MOCOS: variants seen among roughly 807,000 people sequenced by gnomAD.
MOCOS encodes human molybdenum cofactor sulfurase.
A neutral mutation model predicts 83.6 loss-of-function variants in MOCOS; 86 were observed. The observed-to-expected ratio is 1.03, with a 90% confidence interval of 0.86 to 1.23. MOCOS has a LOEUF of 1.23. Among genes scored for constraint, MOCOS ranks in the 50% most tolerant of loss-of-function variants. The pLI is 0.00. For missense variants in MOCOS, 1,120 were observed against 1,126.9 expected (o/e 0.99, Z 0.09); for synonymous variants, 445 against 434.7 (o/e 1.02, Z -0.29).
chr18:36,212,533 G>A (rs1420563982), intron 6 of MOCOS, among the ~76,000 whole-genome samples: 2 of 152,132 alleles, frequency 1.3e-5, no homozygotes, highest in Non-Finnish European at 2.9e-5. Context: ...ATGCCAGTGG[G>A]CCATTAGCCA....
At chr18:36,191,769 CAT>C (rs201355208) in intron 1 of MOCOS, among the ~76,000 whole-genome samples, 19 of 101,196 alleles carry the variant, frequency 1.9e-4, no homozygotes, top group South Asian at 7.3e-4. Context: ...CACACACACA[CAT>C]GTGAGCCATA....
At chr18:36,188,123 G>A (rs2091349272) in intron 1 of MOCOS, among the ~76,000 whole-genome samples, 1 of 152,194 alleles carries the variant, frequency 6.6e-6, no homozygotes, top group Admixed American at 6.5e-5. Flanking sequence ...CACCTCTGAC[G>A]GCGCGCCAGG....
chr18:36,254,173 C>T (rs779509152), intron 11 of MOCOS, among the ~76,000 whole-genome samples: 2 of 152,074 alleles, frequency 1.3e-5, no homozygotes, highest in African/African-American at 2.4e-5. Context: ...GCAGTCTAAG[C>T]CATTGGTCTT....
rs758736701 is a variant in MOCOS, at chr18:36,215,783, G to T, written c.1603G>T (p.Ala535Ser). 6.2e-7 allele frequency: 1 copy of T among 1,614,202 alleles called. No homozygotes were observed. The highest frequency in any genetic ancestry group is 2.2e-5 in the East Asian group (1 of 44,876). The change falls in exon 8 of 15, where the codon GCC becomes TCC. Residue 535 changes from alanine (A) to serine (S), a missense_variant. By Grantham distance (99) the Ala-to-Ser change is moderately conservative. Coordinates refer to ENST00000261326, the MANE Select transcript of MOCOS (RefSeq NM_017947.4). Reference protein sequence around the residue: ...GRRSLSPQEDALTGSRVWNNS... With the variant: ...GRRSLSPQEDSLTGSRVWNNS... ...ACGTAGCCTCTCGCCTCAGGAAGAT[G>T]CCCTCACAGGCTCCAGGGTTTGGAA...
At chr18:36,259,185 G>C (rs546963710) in intron 12 of MOCOS, among the ~76,000 whole-genome samples, 7 of 152,128 alleles carry the variant, frequency 4.6e-5, no homozygotes, top group Non-Finnish European at 7.3e-5. Context: ...GCTCACACCT[G>C]TAATCCCAGC....
At chr18:36,217,089 G>C (rs1893269) in intron 8 of MOCOS, among the ~76,000 whole-genome samples, 59,796 of 152,064 alleles carry the variant, frequency 0.39, 12,780 homozygotes, top group South Asian at 0.59. Context: ...CGTGATATTC[G>C]ATGCAGACAG....
chr18:36,262,481 A>G (rs779450632), intron 13 of MOCOS, among the ~76,000 whole-genome samples: 3 of 152,092 alleles, frequency 2.0e-5, no homozygotes, highest in Non-Finnish European at 2.9e-5. Context: ...ATTAAAGAGC[A>G]TAAGATATGG....
intron 1 of MOCOS, among the ~76,000 whole-genome samples, chr18:36,193,715 CATAA>C (rs745585773): frequency 3.3e-5 from 5 of 152,252 alleles, no homozygotes; most frequent in South Asian, 2.1e-4. Flanking sequence ...AATGCAACAA[CATAA>C]ATAGACAAAT....
In MOCOS at chr18:36,200,076, G is replaced by A. The variant is rs765501957; in HGVS notation, c.693G>A (p.Gly231=). 7.4e-6 allele frequency: 12 copies of A among 1,614,078 alleles called. No individual in the cohort carries two copies. The Admixed American group carries it at 2.0e-4, about 27-fold the overall frequency. Residue 231 remains glycine (G), a synonymous_variant, in exon 4 of 15, where the codon GGG becomes GGA. Coordinates refer to ENST00000261326, the MANE Select transcript of MOCOS (RefSeq NM_017947.4). ...GGTTGCACCCTGTGAGCACGCCTGG[G>A]AAGTGGTTTGTGCTGCTGGATGCAG... ...SGRLHPVSTP[G]KWFVLLDAAS... is the part of the protein sequence containing the mutation.
intron 2 of MOCOS, 28 bp from the exon 3 acceptor site, chr18:36,198,662 T>G (rs764633242): frequency 5.6e-6 from 9 of 1,612,410 alleles, no homozygotes; most frequent in Non-Finnish European, 5.9e-6. Context: ...AGTAGTGACT[T>G]GGTGGCCTTG....
intron 13 of MOCOS, among the ~76,000 whole-genome samples, chr18:36,262,837 A>C (rs1309904204): frequency 6.6e-6 from 1 of 152,232 alleles, no homozygotes; most frequent in East Asian, 1.9e-4. Flanking sequence ...GGCTGGGCAC[A>C]GTGGCTCATG....
At chr18:36,214,990 A>G (rs2091470107) in intron 7 of MOCOS, among the ~76,000 whole-genome samples, 1 of 152,210 alleles carries the variant, frequency 6.6e-6, no homozygotes, top group South Asian at 2.1e-4. Context: ...GGGGCACTCA[A>G]GCTGACCTTG....
intron 2 of MOCOS, 69 bp downstream of exon 2, chr18:36,195,415 G>A (rs74729614): frequency 2.2e-5 from 30 of 1,366,908 alleles, no homozygotes; most frequent in Admixed American, 5.1e-5. Context: ...CATGTTAAAC[G>A]CTGGATTAAT....
intron 12 of MOCOS, 49 bp from the exon 13 acceptor site, chr18:36,259,988 A>G (rs779653743): frequency 8.1e-6 from 13 of 1,609,656 alleles, no homozygotes; most frequent in Middle Eastern, 1.6e-4. Flanking sequence ...TAGTGGTACA[A>G]TTATCTGCCA....
intron 1 of MOCOS, among the ~76,000 whole-genome samples, chr18:36,193,235 C>T (rs1290227061): frequency 2.9e-5 from 4 of 137,468 alleles, no homozygotes; most frequent in African/African-American, 5.3e-5. Context: ...GGTGTGAACC[C>T]GGGAAGCGGA....
chr18:36,212,661 C>G (rs1233160374), intron 6 of MOCOS, among the ~76,000 whole-genome samples: 2 of 152,198 alleles, frequency 1.3e-5, no homozygotes, highest in African/African-American at 4.8e-5. Context: ...TGATAAGGGT[C>G]TGTGGGAGGC....
At chr18:36,220,391 C>A (rs2091491856) in intron 9 of MOCOS, among the ~76,000 whole-genome samples, 174 bp downstream of exon 9, 1 of 151,728 alleles carries the variant, frequency 6.6e-6, no homozygotes, top group Admixed American at 6.6e-5. Context: ...TGCCTGTAAT[C>A]TCAGCTACTC....
chr18:36,216,111 C>A, intron 8 of MOCOS, 134 bp downstream of exon 8: 1 of 957,762 alleles, frequency 1.0e-6, no homozygotes, highest in Non-Finnish European at 1.6e-6. Context: ...CATTCTCACT[C>A]TCCCTTTCTT....
chr18:36,227,684 CTG>C (rs2091523089), intron 9 of MOCOS, among the ~76,000 whole-genome samples: 1 of 152,298 alleles, frequency 6.6e-6, no homozygotes, highest in African/African-American at 2.4e-5. Flanking sequence ...GTGTGAGCCA[CTG>C]TGCCTGGCCC....
Sources: allele counts gnomAD v4.1 joint callset (sites outside exome capture counted in the v4.1 genomes callset), GRCh38; gene constraint gnomAD v4.1.1; transcripts MANE v1.5; gene names NCBI Gene and HGNC (gene_info 2026-07-23, HGNC 2026-07-21).